CCDC73: variants seen among roughly 807,000 people sequenced by gnomAD.
CCDC73 encodes the protein coiled-coil domain-containing protein 73.
Under a neutral mutation model 116.5 loss-of-function variants are expected in CCDC73, and 95 were observed. That is an observed-to-expected ratio of 0.82 (90% CI 0.69 to 0.97). CCDC73 has a LOEUF of 0.97. Ranked by LOEUF, CCDC73 falls within the 50% of genes least tolerant of loss-of-function variation. CCDC73 has a pLI of 0.00. For synonymous variants in CCDC73, 398 were observed against 401.3 expected (o/e 0.99, Z 0.10); for missense variants, 1,066 against 1,206.8 (o/e 0.88, Z 1.73).
chr11:32,776,639 C>A (rs1363782643), intron 1 of CCDC73, among the ~76,000 whole-genome samples: 1 of 151,922 alleles, frequency 6.6e-6, no homozygotes, highest in Non-Finnish European at 1.5e-5. Context: ...CCACAATAAC[C>A]CTTCCATTTT....
In CCDC73 at chr11:32,665,041, G is replaced by A. The variant is rs1030544323; in HGVS notation, c.646-10069C>T. On this transcript the variant is annotated intron_variant, in intron 9 of 17. Transcript: ENST00000335185. ...TGAGAGACAGTTTGTTATAATTTCT[G>A]TTCTTCTACATTTGCTGAGGAGTGC... Among the ~76,000 whole-genome samples, 9 of 152,134 alleles carry A rather than the reference G, an allele frequency of 5.9e-5. No homozygotes were observed. In the South Asian group the frequency reaches 1.2e-3, roughly 21 times the overall value.
At chr11:32,733,254 C>T (rs1156546093) in intron 2 of CCDC73, among the ~76,000 whole-genome samples, 1 of 152,162 alleles carries the variant, frequency 6.6e-6, no homozygotes, top group South Asian at 2.1e-4. Context: ...TTCAGGAGCA[C>T]CCAGTTTCAT....
rs370155521 is a variant in CCDC73, at chr11:32,675,960, A to G, written c.491T>C (p.Ile164Thr). 1.1e-5 allele frequency: 17 copies of G among 1,609,402 alleles called. No individual in the cohort carries two copies. Among genetic ancestry groups the G allele is most frequent in the South Asian group, 6.7e-5 (6 of 90,162 alleles). Residue 164 changes from isoleucine (I) to threonine (T), a missense_variant, in exon 8 of 18, where the codon ATT (isoleucine) becomes ACT (threonine). Ile to Thr is a moderately conservative substitution (Grantham distance 89). Coordinates refer to ENST00000335185, the MANE Select transcript of CCDC73 (RefSeq NM_001008391.4). Reference sequence around the variant, plus strand: ...TGTTATTGTGGCATAATATTTCTCAATTTCACTCAGTTGCTTATGATAGTC... The same window carrying G: ...TGTTATTGTGGCATAATATTTCTCAGTTTCACTCAGTTGCTTATGATAGTC... ...KEDYHKQLSEIEKYYATITGQ... is the reference protein window; with the variant it reads ...KEDYHKQLSETEKYYATITGQ...
intron 2 of CCDC73, among the ~76,000 whole-genome samples, chr11:32,738,245 T>C (rs1850153140): frequency 6.6e-6 from 1 of 152,242 alleles, no homozygotes; most frequent in Non-Finnish European, 1.5e-5. Context: ...GATCATATGG[T>C]AGCTCTATTT....
intron 2 of CCDC73, among the ~76,000 whole-genome samples, chr11:32,732,466 T>A: frequency 6.6e-6 from 1 of 152,010 alleles, no homozygotes; most frequent in Non-Finnish European, 1.5e-5. Flanking sequence ...CACATAATTG[T>A]CAGATTCACC....
At chr11:32,711,807 C>T (rs904133894) in intron 3 of CCDC73, among the ~76,000 whole-genome samples, 2 of 152,086 alleles carry the variant, frequency 1.3e-5, no homozygotes, top group South Asian at 2.1e-4. Flanking sequence ...CTGGGTCTTC[C>T]GATTGTCATA....
At chr11:32,819,470 T>G in the CCDC73 span, among the ~76,000 whole-genome samples, 1 of 150,760 alleles carries the variant, frequency 6.6e-6, no homozygotes, top group Non-Finnish European at 1.5e-5. Flanking sequence ...ATAAGAGGTT[T>G]TTTTTTTTTT....
chr11:32,623,703 A>G (rs538425412), intron 14 of CCDC73, among the ~76,000 whole-genome samples: 1 of 152,306 alleles, frequency 6.6e-6, no homozygotes, highest in East Asian at 1.9e-4. Flanking sequence ...AGCAAAAAGT[A>G]TGAGTTTAAA....
chr11:32,744,653 G>C (rs1244877661), intron 2 of CCDC73, among the ~76,000 whole-genome samples: 2 of 152,120 alleles, frequency 1.3e-5, no homozygotes, highest in Non-Finnish European at 2.9e-5. Context: ...TATGTGTCCA[G>C]GAATTTACCC....
At chr11:32,715,128 T>C (rs757719651) in intron 3 of CCDC73, among the ~76,000 whole-genome samples, 1 of 152,178 alleles carries the variant, frequency 6.6e-6, no homozygotes, top group Non-Finnish European at 1.5e-5. Context: ...TGAGGTACTT[T>C]CTTTCCCCTT....
intron 2 of CCDC73, among the ~76,000 whole-genome samples, chr11:32,724,073 C>T (rs1850011651): frequency 6.6e-6 from 1 of 152,064 alleles, no homozygotes; most frequent in Non-Finnish European, 1.5e-5. Context: ...TAAAGATATA[C>T]ATTCTACAAA....
chr11:32,753,970 T>G (rs1322994789), intron 2 of CCDC73, among the ~76,000 whole-genome samples: 1 of 152,122 alleles, frequency 6.6e-6, no homozygotes, highest in Non-Finnish European at 1.5e-5. Context: ...ACTTACTGAC[T>G]ATTGTTCTTT....
chr11:32,778,255 C>G (rs1850554044), intron 1 of CCDC73, among the ~76,000 whole-genome samples: 1 of 152,114 alleles, frequency 6.6e-6, no homozygotes, highest in Non-Finnish European at 1.5e-5. Flanking sequence ...GGTTAAGGCC[C>G]AGCAATCCTG....
the CCDC73 span, among the ~76,000 whole-genome samples, chr11:32,804,310 T>G: frequency 6.6e-6 from 1 of 152,196 alleles, no homozygotes. Flanking sequence ...CGCTAATTTT[T>G]GTATTTCTAG....
chr11:32,603,172 C>CT (rs1398922704), intron 17 of CCDC73, 152 bp from the exon 18 acceptor site: 1 of 605,628 alleles, frequency 1.7e-6, no homozygotes. Flanking sequence ...GAAAAGTATA[C>CT]AATGTGAATG....
At chr11:32,624,951 C>T (rs368479483) in intron 14 of CCDC73, among the ~76,000 whole-genome samples, 23 of 152,324 alleles carry the variant, frequency 1.5e-4, no homozygotes, top group African/African-American at 4.6e-4. Flanking sequence ...AAACACCGCA[C>T]GTTCTCACTC....
At chr11:32,669,888 G>A (rs549954134) in intron 9 of CCDC73, among the ~76,000 whole-genome samples, 15 of 152,174 alleles carry the variant, frequency 9.9e-5, no homozygotes, top group African/African-American at 2.4e-4. Flanking sequence ...GGTTGCTTTC[G>A]AATCTTGGCT....
intron 7 of CCDC73, 120 bp downstream of exon 7, chr11:32,683,416 G>A (rs1856165682): frequency 5.7e-6 from 4 of 701,488 alleles, no homozygotes; most frequent in African/African-American, 1.8e-5. Context: ...ACTGGAGACA[G>A]TAATATTCAG....
chr11:32,770,743 G>A (rs1167203741), intron 1 of CCDC73, among the ~76,000 whole-genome samples: 4 of 152,210 alleles, frequency 2.6e-5, no homozygotes, highest in African/African-American at 9.6e-5. Flanking sequence ...AATACTGGAA[G>A]TGTAAACTGA....
Sources: allele counts gnomAD v4.1 joint callset (sites outside exome capture counted in the v4.1 genomes callset), GRCh38; gene constraint gnomAD v4.1.1; transcripts MANE v1.5; gene names NCBI Gene and HGNC (gene_info 2026-07-23, HGNC 2026-07-21).